Variants in FOXO3 observed in about 807,000 individuals in gnomAD.
The protein encoded by FOXO3 is forkhead box O3.
FOXO3 carries 4 observed loss-of-function variants against 41.9 expected under a neutral mutation model. The observed-to-expected ratio is 0.10, with a 90% CI of 0.05 to 0.22. FOXO3 has a LOEUF of 0.22. Among genes scored for constraint, FOXO3 ranks in the 10% least tolerant of loss-of-function variants. FOXO3 has a pLI of 1.00. For synonymous variants in FOXO3, 318 were observed against 389.3 expected, an observed-to-expected ratio of 0.82 and a Z score of 2.16; for missense variants, 534 against 906.8, an observed-to-expected ratio of 0.59 and a Z score of 5.28.
intron 1 of FOXO3, among the ~76,000 whole-genome samples, chr6:108,571,884 G>T (rs1562228523): frequency 6.6e-6 from 1 of 152,180 alleles, no homozygotes; most frequent in Non-Finnish European, 1.5e-5. Flanking sequence ...AGAATAAAAA[G>T]ACTTTATTTA....
chr6:108,672,432 A>G (rs944845107), intron 2 of FOXO3, among the ~76,000 whole-genome samples: 1 of 152,228 alleles, frequency 6.6e-6, no homozygotes, highest in African/African-American at 2.4e-5. Flanking sequence ...CAGCCAGGCC[A>G]GGGACTAAAA....
At chr6:108,606,616 C>G (rs1777209523) in intron 1 of FOXO3, among the ~76,000 whole-genome samples, 1 of 152,224 alleles carries the variant, frequency 6.6e-6, no homozygotes, top group Non-Finnish European at 1.5e-5. Context: ...AGGAAGCAAG[C>G]AGCCTTGTGA....
At chr6:108,573,211 C>T (rs1327294170) in intron 1 of FOXO3, among the ~76,000 whole-genome samples, 4 of 152,038 alleles carry the variant, frequency 2.6e-5, no homozygotes, top group African/African-American at 4.8e-5. Context: ...GGCGTGAACC[C>T]AGGAGGCGGA....
intron 1 of FOXO3, among the ~76,000 whole-genome samples, chr6:108,641,636 A>G (rs769572272): frequency 1.3e-5 from 2 of 152,070 alleles, no homozygotes; most frequent in Admixed American, 6.6e-5. Context: ...TCCATTTTTA[A>G]TATGTCTTTG....
At chr6:108,575,681 G>C (rs1776243265) in intron 1 of FOXO3, among the ~76,000 whole-genome samples, 1 of 152,038 alleles carries the variant, frequency 6.6e-6, no homozygotes, top group South Asian at 2.1e-4. Flanking sequence ...ACGGGTTTTT[G>C]TTGTCTTTGT....
At chr6:108,601,825 T>C (rs903321380) in intron 1 of FOXO3, among the ~76,000 whole-genome samples, 18 of 152,376 alleles carry the variant, frequency 1.2e-4, no homozygotes, top group African/African-American at 4.3e-4. Flanking sequence ...AGTAGTGTGT[T>C]CCTGTTTGTT....
intron 1 of FOXO3, among the ~76,000 whole-genome samples, chr6:108,639,955 A>G (rs914031835): frequency 6.6e-6 from 1 of 152,250 alleles, no homozygotes; most frequent in African/African-American, 2.4e-5. Context: ...TTGGAGGGGC[A>G]GAATCTAACA....
intron 2 of FOXO3, among the ~76,000 whole-genome samples, chr6:108,677,599 C>T (rs912709247): frequency 2.0e-5 from 3 of 152,164 alleles, no homozygotes; most frequent in Admixed American, 6.5e-5. Context: ...GCTTCTCCCT[C>T]GGCGCTTACA....
At chr6:108,630,317 GA>G (rs1438839084) in intron 1 of FOXO3, among the ~76,000 whole-genome samples, 1 of 152,116 alleles carries the variant, frequency 6.6e-6, no homozygotes, top group Non-Finnish European at 1.5e-5. Context: ...TGAAAATGGG[GA>G]ATAAGGAGCA....
intron 1 of FOXO3, chr6:108,639,650 C>T (rs914082883): frequency 1.3e-6 from 1 of 780,258 alleles, no homozygotes; most frequent in Non-Finnish European, 1.6e-6. Context: ...AAACCTCCCC[C>T]TGCTGAAAAT....
intron 1 of FOXO3, among the ~76,000 whole-genome samples, chr6:108,630,597 A>G (rs763729756): frequency 2.8e-4 from 42 of 152,230 alleles, no homozygotes; most frequent in Middle Eastern, 3.4e-3. Context: ...AGCTTTGCCT[A>G]TCCTTTTATG....
chr6:108,599,443 C>T (rs936583176), intron 1 of FOXO3, among the ~76,000 whole-genome samples: 3 of 152,168 alleles, frequency 2.0e-5, no homozygotes, highest in Non-Finnish European at 4.4e-5. Flanking sequence ...TAGGAAGCAG[C>T]ATAGTTGAAG....
chr6:108,643,976 GT>G (rs1163953400), intron 1 of FOXO3, among the ~76,000 whole-genome samples: 1 of 152,190 alleles, frequency 6.6e-6, no homozygotes, highest in Admixed American at 6.5e-5. Flanking sequence ...GACTGTTCCT[GT>G]GGCCGTTGTT....
chr6:108,560,889 C>G, upstream of FOXO3: 1 of 1,056,320 alleles, frequency 9.5e-7, no homozygotes, highest in East Asian at 3.3e-5. Flanking sequence ...GATTCGCTCG[C>G]GGCTCCATCG....
intron 1 of FOXO3, among the ~76,000 whole-genome samples, chr6:108,624,079 A>G (rs1395621007): frequency 1.3e-5 from 2 of 152,170 alleles, no homozygotes; most frequent in African/African-American, 4.8e-5. Context: ...GGACAAGGAA[A>G]TTTCATCTCA....
In FOXO3 at chr6:108,561,188, G is replaced by T; in HGVS notation, c.-21G>T. The T allele has an allele frequency of 2.6e-6, 4 of 1,523,652 alleles. No homozygotes were observed. Among genetic ancestry groups the T allele is most frequent in the Non-Finnish European group, 2.6e-6 (3 of 1,137,754 alleles). The allele number at this position is 1,523,652 out of a possible 1,614,324, so 94.4% of individuals were successfully genotyped here. A position where few individuals can be genotyped will look rare whatever the true frequency, so the allele number is the denominator to read the frequency against. Reference sequence around the variant, plus strand: ...AGAGGAGAGCGCGAGAGCCCCAGCCGCGGGCGGGCGGGCGGCGAAGATGGC... The same window carrying T: ...AGAGGAGAGCGCGAGAGCCCCAGCCTCGGGCGGGCGGGCGGCGAAGATGGC... On this transcript the variant is annotated 5_prime_UTR_variant, in exon 1 of 3. Coordinates refer to ENST00000406360, the MANE Select transcript of FOXO3 (RefSeq NM_001455.4).
chr6:108,598,947 G>A (rs1359216756), intron 1 of FOXO3, among the ~76,000 whole-genome samples: 1 of 152,110 alleles, frequency 6.6e-6, no homozygotes, highest in African/African-American at 2.4e-5. Context: ...TCTAATTCTT[G>A]TCTGGGCATA....
intron 1 of FOXO3, among the ~76,000 whole-genome samples, chr6:108,578,732 G>A (rs1776328115): frequency 6.6e-6 from 1 of 152,200 alleles, no homozygotes; most frequent in South Asian, 2.1e-4. Context: ...CTCATCCCCA[G>A]ACAGACATGG....
At chr6:108,635,430 C>T (rs994509133) in intron 1 of FOXO3, among the ~76,000 whole-genome samples, 2 of 152,104 alleles carry the variant, frequency 1.3e-5, no homozygotes, top group Non-Finnish European at 1.5e-5. Context: ...TATTTTGCTT[C>T]GTTAAAATTT....
Sources: gnomAD v4.1 joint callset for allele counts (sites outside exome capture counted in the v4.1 genomes callset) on GRCh38, gnomAD v4.1.1 for gene constraint, MANE v1.5 for transcripts, NCBI Gene and HGNC (gene_info 2026-07-23, HGNC 2026-07-21) for gene names.